FGFR1OP2: variants seen among roughly 807,000 people sequenced by gnomAD.
FGFR1OP2 encodes fibroblast growth factor receptor 1 oncogene partner 2.
Under a neutral mutation model 35.2 loss-of-function variants are expected in FGFR1OP2, and 17 were observed. The ratio of observed to expected loss-of-function variants is 0.48; its 90% CI spans 0.33 to 0.73. The LOEUF (loss-of-function observed/expected upper bound fraction) is 0.73, where lower values mean the gene tolerates loss of function less well. Ranked by LOEUF, FGFR1OP2 falls within the 30% of genes least tolerant of loss-of-function variation. The pLI is 0.02. For missense variants in FGFR1OP2, 251 were observed against 307.3 expected, an observed-to-expected ratio of 0.82 and a Z score of 1.37; for synonymous variants, 105 against 104.6, an observed-to-expected ratio of 1.00 and a Z score of -0.03.
chr12:26,951,480 C>T (rs894331998), intron 1 of FGFR1OP2, among the ~76,000 whole-genome samples: 3 of 152,092 alleles, frequency 2.0e-5, no homozygotes, highest in Non-Finnish European at 4.4e-5. Flanking sequence ...CCACCACGCC[C>T]AGCTAATTTT....
rs151194965 is a variant in FGFR1OP2, at chr12:26,960,785, A to G, written c.510+157A>G. 4,023 of 1,197,896 alleles carry G rather than the reference A, an allele frequency of 3.4e-3. 9 individuals carry two copies. Among genetic ancestry groups the G allele is most frequent in the Non-Finnish European group, 3.7e-3 (3,390 of 909,150 alleles). The allele number at this position is 1,197,896 out of a possible 1,614,324, so 74.2% of individuals were successfully genotyped here. On this transcript the variant is annotated intron_variant, in intron 5 of 6. Transcript: ENST00000229395. ...CTTTAATAGCCATGCTGTTCAGTGT[A>G]GAAACTTTAAATCTCTCATTAATTT...
chr12:26,960,449 A>T, intron 4 of FGFR1OP2, 66 bp from the exon 5 acceptor site: 3 of 1,143,770 alleles, frequency 2.6e-6, no homozygotes, highest in Non-Finnish European at 3.8e-6. Flanking sequence ...GCATGAACTA[A>T]CACTCATTCA....
At chr12:26,959,163 C>T (rs1187932401) in intron 4 of FGFR1OP2, among the ~76,000 whole-genome samples, 5 of 151,860 alleles carry the variant, frequency 3.3e-5, no homozygotes, top group Admixed American at 6.6e-5. Context: ...CTTGTGTCAA[C>T]CAGTAAAATA....
chr12:26,954,360 C>T (rs1277180417), intron 2 of FGFR1OP2, 67 bp downstream of exon 2: 1 of 1,485,746 alleles, frequency 6.7e-7, no homozygotes, highest in African/African-American at 1.4e-5. Flanking sequence ...GTATTGCTGG[C>T]TAATTAGTAT....
chr12:26,943,663 A>G lies in FGFR1OP2; in HGVS notation c.-15+4953A>G, dbSNP rs150127152. On this transcript the variant is annotated intron_variant, in intron 1 of 6. Transcript: ENST00000229395. Reference sequence around the variant, plus strand: ...AACATGACGAAACCCCATCTCTACTAAAAATACAAAAATTAGCTGGGCGTG... The same window carrying G: ...AACATGACGAAACCCCATCTCTACTGAAAATACAAAAATTAGCTGGGCGTG... 1.5e-4 allele frequency among the ~76,000 whole-genome samples: 23 copies of G among 152,236 alleles called. No individual in the cohort carries two copies. In the East Asian group the frequency reaches 4.2e-3, roughly 28 times the overall value.
chr12:26,951,344 T>C (rs566893589), intron 1 of FGFR1OP2, among the ~76,000 whole-genome samples: 2 of 151,794 alleles, frequency 1.3e-5, no homozygotes, highest in East Asian at 1.9e-4. Context: ...TAGTTAGTTA[T>C]TGAGACAGCC....
intron 2 of FGFR1OP2, 42 bp from the exon 3 acceptor site, chr12:26,956,501 T>TATATATA: frequency 5.6e-6 from 3 of 535,442 alleles, no homozygotes; most frequent in Non-Finnish European, 9.3e-6. Flanking sequence ...TATATATATA[T>TATATATA]TTGCAGGTAT....
rs369681654 is a variant in FGFR1OP2 at position 26,965,968 on chromosome 12, G to T, written c.*1235G>T. 1.3e-5 allele frequency: 2 copies of T among 152,080 alleles called. No individual in the cohort carries two copies. The highest frequency in any genetic ancestry group is 1.9e-4 in the East Asian group (1 of 5,180). 9.4% of individuals were successfully genotyped at this position (152,080 alleles called of 1,614,324 possible). ...AGTGTCAAACATGGTTAAATATATT[G>T]TACTCATTTATGTTGAATACGTATT... On this transcript the variant is annotated 3_prime_UTR_variant, in exon 7 of 7. Coordinates refer to ENST00000229395, the MANE Select transcript of FGFR1OP2 (RefSeq NM_015633.3).
intron 1 of FGFR1OP2, among the ~76,000 whole-genome samples, chr12:26,953,301 G>C (rs1479082154): frequency 1.6e-5 from 2 of 121,682 alleles, no homozygotes; most frequent in African/African-American, 3.1e-5. Flanking sequence ...GAAGATAAAA[G>C]ATTTCAAGGA....
intron 1 of FGFR1OP2, among the ~76,000 whole-genome samples, chr12:26,946,929 T>C (rs1448647103): frequency 1.3e-5 from 2 of 152,192 alleles, no homozygotes; most frequent in East Asian, 3.9e-4. Flanking sequence ...GCGTGATACA[T>C]TGTCTTTGTG....
In FGFR1OP2 at chr12:26,956,578, G is replaced by A. The variant is rs770078852; in HGVS notation, c.171G>A (p.Ala57=). The A allele has an allele frequency of 8.8e-6, 14 of 1,591,852 alleles. No individual in the cohort carries two copies. The highest frequency in any genetic ancestry group is 3.4e-5 in the South Asian group (3 of 88,598). Reference sequence around the variant, plus strand: ...AAATTCAAGAACTTAATGAAGTCGCGAGACATCGGCCACGGTCCACGTTAG... The same window carrying A: ...AAATTCAAGAACTTAATGAAGTCGCAAGACATCGGCCACGGTCCACGTTAG... ...QEEIQELNEV[A]RHRPRSTLVM... Residue 57 remains alanine, a synonymous_variant, in exon 3 of 7, where the codon GCG becomes GCA. Transcript: ENST00000229395.
rs756788697 is a variant in FGFR1OP2 at position 26,963,345 on chromosome 12, C to T, written c.514C>T (p.Leu172=). ...RRHLEANQNE[L]QAHVDQITEM... is the part of the protein sequence containing the mutation. ...AACTCCCATCCCTCTTTTTCAGGAA[C>T]TGCAAGCACATGTTGACCAGATAAC... Residue 172 remains leucine, a synonymous_variant, in exon 6 of 7, where the codon CTG becomes TTG. Transcript: ENST00000229395. 9 of 1,592,362 alleles carry T rather than the reference C, an allele frequency of 5.7e-6. No homozygotes were observed. Among genetic ancestry groups the T allele is most frequent in the Non-Finnish European group, 7.7e-6 (9 of 1,168,678 alleles).
chr12:26,963,296 T>C (rs1331498338), intron 5 of FGFR1OP2, 46 bp from the exon 6 acceptor site: 1 of 1,315,770 alleles, frequency 7.6e-7, no homozygotes, highest in Non-Finnish European at 1.1e-6. Flanking sequence ...GATCCAAAAA[T>C]AAAAAAGTAT....
At chr12:26,957,522 C>T in intron 3 of FGFR1OP2, 79 bp from the exon 4 acceptor site, 2 of 1,290,012 alleles carry the variant, frequency 1.6e-6, no homozygotes, top group South Asian at 1.5e-5. Flanking sequence ...ATGTCCCGTT[C>T]ATAAGTTGCT....
intron 1 of FGFR1OP2, among the ~76,000 whole-genome samples, chr12:26,952,744 GGGCAGT>G (rs1938952800): frequency 6.6e-6 from 1 of 150,782 alleles, no homozygotes; most frequent in South Asian, 2.1e-4. Flanking sequence ...CTGTAGTCCA[GGGCAGT>G]GGTATATAAC....
Position 26,950,125 on chromosome 12 carries a change from A to T in FGFR1OP2, c.-14-4020A>T, listed in dbSNP as rs113283051. ...TAGTAACGAACTTTAAGGTATTTCT[A>T]TGGTATCTACAATATTGTTTCTACC... On this transcript the variant is annotated intron_variant, in intron 1 of 6. Transcript: ENST00000229395. Among the ~76,000 whole-genome samples, 4 of 147,916 alleles carry T rather than the reference A, an allele frequency of 2.7e-5. No homozygotes were observed. In the South Asian group the frequency reaches 8.7e-4, roughly 32 times the overall value.
intron 1 of FGFR1OP2, among the ~76,000 whole-genome samples, chr12:26,948,036 T>A (rs904464995): frequency 1.3e-5 from 2 of 152,218 alleles, no homozygotes; most frequent in African/African-American, 4.8e-5. Context: ...AATTTTTAAG[T>A]CTACTTAAAA....
chr12:26,946,686 C>T (rs2136349843), intron 1 of FGFR1OP2, among the ~76,000 whole-genome samples: 1 of 152,306 alleles, frequency 6.6e-6, no homozygotes, highest in South Asian at 2.1e-4. Flanking sequence ...AATTCACATA[C>T]CATACTATTC....
chr12:26,964,517 G>A, intron 6 of FGFR1OP2, 79 bp from the exon 7 acceptor site: 1 of 1,510,132 alleles, frequency 6.6e-7, no homozygotes, highest in East Asian at 2.3e-5. Context: ...CATATGTTCA[G>A]TTTTTCCTAA....
Sources: gnomAD v4.1 joint callset for allele counts (sites outside exome capture counted in the v4.1 genomes callset) on GRCh38, gnomAD v4.1.1 for gene constraint, MANE v1.5 for transcripts, NCBI Gene and HGNC (gene_info 2026-07-23, HGNC 2026-07-21) for gene names.